CFAP57: variants seen among roughly 807,000 people sequenced by gnomAD.
The protein encoded by CFAP57 is cilia- and flagella-associated protein 57.
In CFAP57, 116 loss-of-function variants were observed where a neutral mutation model predicts 146.8. The observed-to-expected ratio is 0.79, with a 90% CI of 0.68 to 0.92. The LOEUF (loss-of-function observed/expected upper bound fraction) is 0.92. Ranked by LOEUF, CFAP57 falls within the 40% of genes least tolerant of loss-of-function variation. The probability of loss-of-function intolerance (pLI) is 0.00; values close to 1 mark genes in which losing one functional copy is unlikely to be tolerated. For missense variants in CFAP57, 1,377 were observed against 1,527.2 expected (o/e 0.90, Z 1.64); for synonymous variants, 518 against 552.8 (o/e 0.94, Z 0.88).
At chr1:43,183,486 G>A (rs940247983) in intron 3 of CFAP57, 105 bp from the exon 4 acceptor site, 2 of 1,014,690 alleles carry the variant, frequency 2.0e-6, no homozygotes, top group African/African-American at 3.2e-5. Context: ...ATGTTTTGGA[G>A]ATATTCTGAG....
At chr1:43,236,606 A>C (rs1218963750) in intron 21 of CFAP57, among the ~76,000 whole-genome samples, 2 of 147,152 alleles carry the variant, frequency 1.4e-5, no homozygotes, top group Non-Finnish European at 3.0e-5. Flanking sequence ...AAAAAAAAAA[A>C]AAAAAAAAAA....
intron 11 of CFAP57, among the ~76,000 whole-genome samples, 199 bp from the exon 12 acceptor site, chr1:43,215,056 T>A (rs1419383618): frequency 6.6e-6 from 1 of 152,226 alleles, no homozygotes; most frequent in East Asian, 1.9e-4. Context: ...CCACAGAGAA[T>A]GTAGACGTAA....
intron 6 of CFAP57, among the ~76,000 whole-genome samples, chr1:43,196,857 C>T (rs1262218910): frequency 6.6e-6 from 1 of 152,098 alleles, no homozygotes; most frequent in African/African-American, 2.4e-5. Context: ...TCCCAGTATT[C>T]CACTTCTAGA....
Position 43,172,733 on chromosome 1 carries a change from A to G in CFAP57, c.-19-2A>G, listed in dbSNP as rs1216877209. The G allele has an allele frequency of 1.9e-6, 3 of 1,613,742 alleles. No individual in the cohort carries two copies. Among genetic ancestry groups the G allele is most frequent in the East Asian group, 2.2e-5 (1 of 44,892 alleles). On this transcript the variant is annotated splice_acceptor_variant, in intron 1 of 22. Transcript: ENST00000372492. LOFTEE classifies it low-confidence loss of function (5UTR_SPLICE). ...CTGAAGCGCTGCCTTGGTCTTCAGC[A>G]GAACTGTTTGGCGGGAGATCATGTC... is the stretch of plus-strand genomic sequence containing the variant.
Position 43,198,632 on chromosome 1 carries a change from A to G in CFAP57, c.1414A>G (p.Arg472Gly), listed in dbSNP as rs578169260. ...DIRSFKEYSV[R>G]GCGECSFSNG... ...ACGTTCTTTCAAAGAATACTCTGTTAGAGGATGCGGAGAGGTAAAAAAAAA... is the reference window on the plus strand; with the variant it reads ...ACGTTCTTTCAAAGAATACTCTGTTGGAGGATGCGGAGAGGTAAAAAAAAA... The change falls in exon 8 of 23, where the codon AGA becomes GGA. Residue 472 changes from arginine to glycine, a missense_variant. Arg to Gly is a moderately radical substitution (Grantham distance 125). Coordinates refer to ENST00000372492, the MANE Select transcript of CFAP57 (RefSeq NM_001378189.1). 8.7e-6 allele frequency: 14 copies of G among 1,610,238 alleles called. No homozygotes were observed. In the South Asian group the frequency reaches 1.5e-4, roughly 18 times the overall value.
At position 43,225,630 on chromosome 1, in the gene CFAP57, C is replaced by G. The variant is rs544386906; in HGVS notation, c.2866-1353C>G. Among the ~76,000 whole-genome samples, 39 of 152,340 alleles carry G rather than the reference C, an allele frequency of 2.6e-4. 1 individual carries two copies. In the South Asian group the frequency reaches 7.9e-3, roughly 31 times the overall value. On this transcript the variant is annotated intron_variant, in intron 17 of 22. Transcript: ENST00000372492. Reference sequence around the variant, plus strand: ...CATGAACCACCGCTTGGCTCTCAAGCCAGTCATTCTCAGCACCCTCAATAT... The same window carrying G: ...CATGAACCACCGCTTGGCTCTCAAGGCAGTCATTCTCAGCACCCTCAATAT...
intron 5 of CFAP57, among the ~76,000 whole-genome samples, chr1:43,185,600 G>C (rs1227763894): frequency 6.7e-6 from 1 of 150,352 alleles, no homozygotes; most frequent in Non-Finnish European, 1.5e-5. Context: ...CCAGCACTTT[G>C]GGAGGCCAAG....
At chr1:43,206,346 C>T (rs1479890949) in intron 9 of CFAP57, 4 of 212,366 alleles carry the variant, frequency 1.9e-5, no homozygotes, top group Non-Finnish European at 3.9e-5. Flanking sequence ...AGGTTCTTAC[C>T]GTGCCATTCC....
intron 22 of CFAP57, 107 bp from the exon 23 acceptor site, chr1:43,253,870 C>T (rs1646379350): frequency 1.0e-6 from 1 of 993,706 alleles, no homozygotes; most frequent in Non-Finnish European, 1.5e-6. Flanking sequence ...GAGTGCTCCA[C>T]AGTAGGTGCC....
In CFAP57 at chr1:43,181,603, A is replaced by C. The variant is rs886352010; in HGVS notation, c.227A>C (p.Glu76Ala). Residue 76 changes from glutamate to alanine, a missense_variant, in exon 3 of 23, where the codon GAG (glutamate) becomes GCG (alanine). Physicochemically the swap from Glu to Ala is moderately radical, Grantham distance 107. Coordinates refer to ENST00000372492, the MANE Select transcript of CFAP57 (RefSeq NM_001378189.1). ...SPNRRYLAIS[E>A]TVQEKPAITI... ...AATCGGCGGTACCTCGCTATCTCTG[A>C]GACTGTGCAAGAAAAACCTGCCATC... 6.2e-7 allele frequency: 1 copy of C among 1,614,060 alleles called. No homozygotes were observed. The highest frequency in any genetic ancestry group is 1.3e-5 in the African/African-American group (1 of 74,920).
intron 18 of CFAP57, chr1:43,231,946 C>G: frequency 1.9e-6 from 1 of 516,000 alleles, no homozygotes; most frequent in Non-Finnish European, 3.4e-6. Context: ...CTCAGTTGTA[C>G]TTTTTAAGAC....
intron 6 of CFAP57, among the ~76,000 whole-genome samples, chr1:43,187,624 C>A (rs1178879014): frequency 6.6e-6 from 1 of 151,144 alleles, no homozygotes; most frequent in Non-Finnish European, 1.5e-5. Flanking sequence ...AAAGCGCATA[C>A]CCTTTAGCTA....
chr1:43,219,639 A>C (rs903563740), intron 13 of CFAP57, 102 bp downstream of exon 13: 1 of 1,363,558 alleles, frequency 7.3e-7, no homozygotes, highest in Non-Finnish European at 1.0e-6. Flanking sequence ...ACAGTAAGAT[A>C]TGTGAAAATG....
At chr1:43,180,718 G>A (rs1645369271) in intron 2 of CFAP57, among the ~76,000 whole-genome samples, 1 of 152,106 alleles carries the variant, frequency 6.6e-6, no homozygotes, top group Non-Finnish European at 1.5e-5. Flanking sequence ...GGAGGCTGCT[G>A]AAAAATTTTA....
chr1:43,224,280 A>G, intron 17 of CFAP57, 76 bp downstream of exon 17: 8 of 1,427,520 alleles, frequency 5.6e-6, no homozygotes, highest in South Asian at 1.6e-5. Context: ...CAGGGGAGAG[A>G]GGGTCCCTAG....
intron 11 of CFAP57, chr1:43,210,271 C>CAT (rs1156668487): frequency 2.1e-6 from 3 of 1,457,560 alleles, no homozygotes; most frequent in Non-Finnish European, 2.7e-6. Flanking sequence ...TGAAAGGAGC[C>CAT]ATAGCCCTGA....
chr1:43,198,421 A>G lies in CFAP57; in HGVS notation c.1263-60A>G. 9 of 1,542,800 alleles carry G rather than the reference A, an allele frequency of 5.8e-6. No homozygotes were observed. The South Asian group carries it at 7.9e-5, about 13-fold the overall frequency. ...GATAACAATATATATCAGATACAGT[A>G]GATGACTGGAAGGATTTAGTGAGCT... On this transcript the variant is annotated intron_variant, in intron 7 of 22. Coordinates refer to ENST00000372492, the MANE Select transcript of CFAP57 (RefSeq NM_001378189.1).
chr1:43,223,060 G>T, intron 16 of CFAP57, 63 bp downstream of exon 16: 1 of 1,490,576 alleles, frequency 6.7e-7, no homozygotes, highest in Middle Eastern at 1.8e-4. Context: ...AGCTGGGGTG[G>T]GTGGACTGAC....
intron 2 of CFAP57, among the ~76,000 whole-genome samples, chr1:43,177,534 G>T (rs939864525): frequency 2.0e-5 from 3 of 152,144 alleles, no homozygotes; most frequent in African/African-American, 4.8e-5. Context: ...GAATTTGAGG[G>T]TCATCAGCCT....
Sources: gnomAD v4.1 joint callset for allele counts (sites outside exome capture counted in the v4.1 genomes callset) on GRCh38, gnomAD v4.1.1 for gene constraint, MANE v1.5 for transcripts, NCBI Gene and HGNC (gene_info 2026-07-23, HGNC 2026-07-21) for gene names.